STK32A: variants seen among roughly 807,000 people sequenced by gnomAD.
The protein encoded by STK32A is serine/threonine kinase 32A.
A neutral mutation model predicts 53.2 loss-of-function variants in STK32A; 41 were observed. The observed-to-expected ratio is 0.77, with a 90% CI of 0.60 to 1.00. The LOEUF is 1.00. Ranked by LOEUF, STK32A falls within the 50% of genes least tolerant of loss-of-function variation. The probability of loss-of-function intolerance (pLI) is 0.00; values close to 1 mark genes in which losing one functional copy is unlikely to be tolerated. For missense variants in STK32A, 458 were observed against 485.8 expected (o/e 0.94, Z 0.54); for synonymous variants, 166 against 162.8 (o/e 1.02, Z -0.15).
At chr5:147,328,141 CT>C (rs1404990452) in intron 5 of STK32A, among the ~76,000 whole-genome samples, 7 of 152,174 alleles carry the variant, frequency 4.6e-5, no homozygotes, top group Non-Finnish European at 1.0e-4. Flanking sequence ...GTAAATGGGA[CT>C]TTTAACAGCC....
intron 2 of STK32A, among the ~76,000 whole-genome samples, chr5:147,244,056 A>G (rs1251787776): frequency 7.9e-6 from 1 of 126,074 alleles, no homozygotes; most frequent in East Asian, 2.1e-4. Context: ...TCCCCTCCCC[A>G]GTCCCTGTTA....
At chr5:147,342,912 A>G (rs1755499764) in intron 5 of STK32A, 94 bp from the exon 6 acceptor site, 9 of 1,091,016 alleles carry the variant, frequency 8.2e-6, no homozygotes, top group Non-Finnish European at 1.3e-5. Flanking sequence ...CACTGTTTCA[A>G]CTCCAGTTAG....
chr5:147,361,754 T>A, intron 8 of STK32A, 140 bp downstream of exon 8: 1 of 664,602 alleles, frequency 1.5e-6, no homozygotes, highest in Non-Finnish European at 2.7e-6. Flanking sequence ...ATAACACCCC[T>A]TGAGATTTCT....
At chr5:147,273,544 C>A (rs531032718) in intron 2 of STK32A, among the ~76,000 whole-genome samples, 1 of 152,284 alleles carries the variant, frequency 6.6e-6, no homozygotes, top group East Asian at 1.9e-4. Flanking sequence ...AACCAGTTAT[C>A]CACATAGTTG....
intron 12 of STK32A, among the ~76,000 whole-genome samples, 168 bp from the exon 13 acceptor site, chr5:147,383,722 A>G (rs569744349): frequency 2.0e-5 from 3 of 152,328 alleles, no homozygotes; most frequent in African/African-American, 7.2e-5. Flanking sequence ...GTTTGTGAGA[A>G]GGGAAGAGGA....
chr5:147,397,616 G>T, the STK32A span: 1 of 1,571,516 alleles, frequency 6.4e-7, no homozygotes, highest in Non-Finnish European at 8.7e-7. Flanking sequence ...CTCTGAGCGT[G>T]AGTGGAACAC....
intron 2 of STK32A, among the ~76,000 whole-genome samples, chr5:147,258,514 C>T (rs2151945357): frequency 6.6e-6 from 1 of 151,920 alleles, no homozygotes; most frequent in African/African-American, 2.4e-5. Context: ...ACATTTCTTA[C>T]ATAAATTCCC....
At chr5:147,354,036 C>T (rs1308754373) in intron 7 of STK32A, among the ~76,000 whole-genome samples, 1 of 150,054 alleles carries the variant, frequency 6.7e-6, no homozygotes, top group African/African-American at 2.5e-5. Flanking sequence ...AAAAGAGAAC[C>T]CCCTACATGC....
intron 2 of STK32A, among the ~76,000 whole-genome samples, chr5:147,259,829 T>TTA (rs1754419561): frequency 6.9e-6 from 1 of 144,438 alleles, no homozygotes; most frequent in Non-Finnish European, 1.5e-5. Flanking sequence ...TCTCTCTTGT[T>TTA]TCTCTCTCCT....
At chr5:147,302,197 C>G (rs1753173916) in intron 4 of STK32A, among the ~76,000 whole-genome samples, 1 of 152,140 alleles carries the variant, frequency 6.6e-6, no homozygotes, top group Non-Finnish European at 1.5e-5. Flanking sequence ...CTATATTTTT[C>G]AACATATTTC....
intron 8 of STK32A, among the ~76,000 whole-genome samples, chr5:147,364,763 G>T (rs1756670832): frequency 6.6e-6 from 1 of 152,044 alleles, no homozygotes; most frequent in Non-Finnish European, 1.5e-5. Flanking sequence ...TATCCTGAGG[G>T]CTCCACCCTT....
chr5:147,380,226 G>A (rs1757397702), intron 11 of STK32A, among the ~76,000 whole-genome samples: 1 of 152,090 alleles, frequency 6.6e-6, no homozygotes, highest in Non-Finnish European at 1.5e-5. Context: ...GCTCCAAAGA[G>A]CTTTTATCAG....
intron 7 of STK32A, among the ~76,000 whole-genome samples, chr5:147,356,189 C>A (rs1167600356): frequency 6.6e-6 from 1 of 151,990 alleles, no homozygotes; most frequent in Non-Finnish European, 1.5e-5. Context: ...GAAATTAAAC[C>A]CAAGTCTAGA....
chr5:147,344,745 G>A (rs901930521), intron 6 of STK32A, among the ~76,000 whole-genome samples: 17 of 152,234 alleles, frequency 1.1e-4, no homozygotes, highest in African/African-American at 4.1e-4. Flanking sequence ...ACCCAAGTTA[G>A]GATTGAGTCC....
chr5:147,287,735 A>C (rs1752411099), intron 4 of STK32A, among the ~76,000 whole-genome samples: 1 of 152,138 alleles, frequency 6.6e-6, no homozygotes, highest in Non-Finnish European at 1.5e-5. Context: ...TACCCTTAGC[A>C]ATCATCAAAT....
chr5:147,239,473 C>G (rs555624397), intron 1 of STK32A, 66 bp from the exon 2 acceptor site: 4 of 555,984 alleles, frequency 7.2e-6, no homozygotes, highest in Non-Finnish European at 1.3e-5. Context: ...GTTTCCGCCA[C>G]AGTCTATACT....
At chr5:147,398,536 A>C in the STK32A span, among the ~76,000 whole-genome samples, 1 of 152,216 alleles carries the variant, frequency 6.6e-6, no homozygotes, top group Non-Finnish European at 1.5e-5. Context: ...AATATTAACT[A>C]TTTTTAACAA....
At chr5:147,360,468 G>GAAAA (rs1297469986) in intron 7 of STK32A, among the ~76,000 whole-genome samples, 8 of 101,052 alleles carry the variant, frequency 7.9e-5, no homozygotes, top group Non-Finnish European at 4.1e-5. Context: ...AAAAAAAAAA[G>GAAAA]AAAAAAAAAA....
chr5:147,354,632 C>A (rs1756134965), intron 7 of STK32A, among the ~76,000 whole-genome samples: 1 of 152,074 alleles, frequency 6.6e-6, no homozygotes, highest in African/African-American at 2.4e-5. Flanking sequence ...GTTTATTTTT[C>A]TCAGCAGCCC....
Sources: gnomAD v4.1 joint callset for allele counts (sites outside exome capture counted in the v4.1 genomes callset) on GRCh38, gnomAD v4.1.1 for gene constraint, MANE v1.5 for transcripts, NCBI Gene and HGNC (gene_info 2026-07-23, HGNC 2026-07-21) for gene names.